The following KIAA0753 variants were observed in gnomAD, a reference collection of about 807,000 sequenced individuals.
KIAA0753 encodes KIAA0753.
In KIAA0753, 114 loss-of-function variants were observed where a neutral mutation model predicts 116.9. That is an observed-to-expected ratio of 0.98 (90% CI 0.84 to 1.14). KIAA0753 has a LOEUF of 1.14. Among genes scored for constraint, KIAA0753 ranks in the 50% most tolerant of loss-of-function variants. The pLI is 0.00. For missense variants in KIAA0753, 1,156 were observed against 1,172.4 expected (o/e 0.99, Z 0.20); for synonymous variants, 405 against 413.1 (o/e 0.98, Z 0.24).
chr17:6,580,338 G>A (rs995733878), intron 18 of KIAA0753, among the ~76,000 whole-genome samples: 23 of 144,110 alleles, frequency 1.6e-4, no homozygotes, highest in South Asian at 1.6e-3. Context: ...TTTTTGAGAC[G>A]GAGTCTCGCT....
chr17:6,603,153 A>G (rs1397329499), intron 12 of KIAA0753, among the ~76,000 whole-genome samples: 4 of 152,124 alleles, frequency 2.6e-5, no homozygotes, highest in Non-Finnish European at 4.4e-5. Context: ...GGGTAGAGGT[A>G]GAAGAGGGAA....
chr17:6,628,687 G>A lies in KIAA0753; in HGVS notation c.148C>T (p.Arg50Ter), dbSNP rs200553162. 32 of 1,613,400 alleles carry A rather than the reference G, an allele frequency of 2.0e-5. No homozygotes were observed. The highest frequency in any genetic ancestry group is 1.1e-4 in the African/African-American group (8 of 74,870). ...VPTHSSNLAI[R>*]YSCPHAIRIE... ...CTAATGGCATGTGGGCAAGAATATC[G>A]GATCGCCAAGTTGCTTGAATGTGTA... is the stretch of plus-strand genomic sequence containing the variant. The change falls in exon 3 of 19, where the codon CGA (arginine) becomes TGA (stop). Residue 50 changes from arginine to a stop codon, truncating the protein, a stop_gained. Coordinates refer to ENST00000361413, the MANE Select transcript of KIAA0753 (RefSeq NM_014804.3). LOFTEE classifies it high-confidence loss of function.
At chr17:6,615,163 G>A (rs1162865732) in intron 7 of KIAA0753, among the ~76,000 whole-genome samples, 1 of 152,082 alleles carries the variant, frequency 6.6e-6, no homozygotes. Context: ...TCCAACTCCT[G>A]ACCTCAGGTG....
intron 6 of KIAA0753, 39 bp from the exon 7 acceptor site, chr17:6,621,037 C>T (rs1400871838): frequency 4.4e-6 from 7 of 1,593,484 alleles, no homozygotes; most frequent in Non-Finnish European, 5.1e-6. Flanking sequence ...TAGTTTATCT[C>T]GCAAAAGTAT....
chr17:6,607,319 G>T, intron 10 of KIAA0753, 49 bp from the exon 11 acceptor site: 1 of 1,453,010 alleles, frequency 6.9e-7, no homozygotes, highest in Non-Finnish European at 9.7e-7. Flanking sequence ...GACACTGCAG[G>T]GTGTCATCAT....
chr17:6,620,660 C>G, intron 7 of KIAA0753, 128 bp downstream of exon 7: 3 of 832,192 alleles, frequency 3.6e-6, no homozygotes, highest in Non-Finnish European at 5.9e-6. Flanking sequence ...ATTTACTGAT[C>G]CTAGTTAAAG....
chr17:6,615,535 A>T (rs1970844248), intron 7 of KIAA0753, among the ~76,000 whole-genome samples: 1 of 146,020 alleles, frequency 6.8e-6, no homozygotes, highest in Admixed American at 7.3e-5. Context: ...GAATGGTGTG[A>T]ACCCGCGAGG....
intron 14 of KIAA0753, among the ~76,000 whole-genome samples, chr17:6,598,663 G>A (rs971798435): frequency 1.3e-5 from 2 of 152,212 alleles, no homozygotes; most frequent in Non-Finnish European, 2.9e-5. Flanking sequence ...AGGCAAGGCA[G>A]AAACATTTCT....
chr17:6,581,089 T>C (rs992593486), intron 18 of KIAA0753, among the ~76,000 whole-genome samples: 1 of 152,216 alleles, frequency 6.6e-6, no homozygotes, highest in African/African-American at 2.4e-5. Context: ...ACAGGCCTTA[T>C]TCAAATTTTG....
At chr17:6,617,447 A>G (rs1971007242) in intron 7 of KIAA0753, among the ~76,000 whole-genome samples, 1 of 152,218 alleles carries the variant, frequency 6.6e-6, no homozygotes, top group Admixed American at 6.5e-5. Context: ...TTATTGTAAT[A>G]TAATAAAAAA....
At chr17:6,631,215 A>G (rs1209066323) in intron 2 of KIAA0753, among the ~76,000 whole-genome samples, 2 of 152,254 alleles carry the variant, frequency 1.3e-5, no homozygotes, top group African/African-American at 2.4e-5. Context: ...GATAAGTAAC[A>G]TAACCACGCT....
intron 18 of KIAA0753, among the ~76,000 whole-genome samples, chr17:6,583,508 T>C (rs2150725201): frequency 6.6e-6 from 1 of 152,274 alleles, no homozygotes; most frequent in Admixed American, 6.5e-5. Flanking sequence ...ACCTCCTCTA[T>C]GTCCCTTTCC....
intron 3 of KIAA0753, among the ~76,000 whole-genome samples, chr17:6,627,448 A>C (rs1010654861): frequency 1.1e-4 from 16 of 152,194 alleles, no homozygotes; most frequent in African/African-American, 3.9e-4. Flanking sequence ...TTTGATGCTC[A>C]ACTCCATACC....
chr17:6,593,817 A>G (rs191116006), intron 16 of KIAA0753, among the ~76,000 whole-genome samples: 150 of 152,340 alleles, frequency 9.8e-4, no homozygotes, highest in African/African-American at 3.6e-3. Flanking sequence ...CTCGGGAGGT[A>G]GAGGTTGTGG....
chr17:6,583,436 T>G (rs1443627616), intron 18 of KIAA0753, among the ~76,000 whole-genome samples: 1 of 152,200 alleles, frequency 6.6e-6, no homozygotes, highest in African/African-American at 2.4e-5. Context: ...CTTGGGATGT[T>G]GTTTGTGACT....
chr17:6,600,239 A>G (rs1969773431), intron 13 of KIAA0753, 141 bp downstream of exon 13: 1 of 669,326 alleles, frequency 1.5e-6, no homozygotes, highest in East Asian at 2.5e-5. Flanking sequence ...GCATATCAGT[A>G]GTGTGTGGTG....
chr17:6,580,991 TTCTC>T (rs1446082720), intron 18 of KIAA0753, among the ~76,000 whole-genome samples: 2 of 151,886 alleles, frequency 1.3e-5, no homozygotes, highest in Non-Finnish European at 2.9e-5. Context: ...AACAAGGACA[TTCTC>T]TTAAATAACT....
At chr17:6,619,013 G>C (rs1437585001) in intron 7 of KIAA0753, among the ~76,000 whole-genome samples, 2 of 152,128 alleles carry the variant, frequency 1.3e-5, no homozygotes, top group Non-Finnish European at 2.9e-5. Context: ...TGGATCACTT[G>C]AGGTCAGGAG....
intron 2 of KIAA0753, among the ~76,000 whole-genome samples, chr17:6,632,496 C>T (rs1409967253): frequency 2.6e-5 from 4 of 152,064 alleles, no homozygotes; most frequent in Non-Finnish European, 5.9e-5. Flanking sequence ...TTAGAAATCC[C>T]CATTTGCCAA....
Sources: allele counts gnomAD v4.1 joint callset (sites outside exome capture counted in the v4.1 genomes callset), GRCh38; gene constraint gnomAD v4.1.1; transcripts MANE v1.5; gene names NCBI Gene and HGNC (gene_info 2026-07-23, HGNC 2026-07-21).